Variants in TNKS observed in about 807,000 individuals in gnomAD.
The protein encoded by TNKS is poly [ADP-ribose] polymerase tankyrase-1.
TNKS carries 72 observed loss-of-function variants against 135.8 expected under a neutral mutation model. That is an observed-to-expected ratio of 0.53 (90% CI 0.44 to 0.64). The LOEUF is 0.64. TNKS is among the 30% of genes least tolerant of loss of function. The probability of loss-of-function intolerance (pLI) is 0.00; values close to 1 mark genes in which losing one functional copy is unlikely to be tolerated. For missense variants in TNKS, 1,769 were observed against 1,674.0 expected (o/e 1.06, Z -0.99); for synonymous variants, 849 against 649.3 (o/e 1.31, Z -4.68).
At position 9,556,105 on chromosome 8, in the gene TNKS, T is replaced by G. The variant is rs1344566634; in HGVS notation, c.166T>G (p.Phe56Val). The G allele has an allele frequency of 6.2e-7, 1 of 1,600,978 alleles. No homozygotes were observed. The highest frequency in any genetic ancestry group is 1.1e-5 in the South Asian group (1 of 89,564). ...ASPTASGLAPFASPRHGLALP... is the reference protein window; with the variant it reads ...ASPTASGLAPVASPRHGLALP... ...TCCCACGGCCAGCGGCCTGGCCCCC[T>G]TCGCCTCCCCGCGGCACGGCCTAGC... The change falls in exon 1 of 27, where the codon TTC (phenylalanine) becomes GTC (valine). Residue 56 changes from phenylalanine (F) to valine (V), a missense_variant. Phe to Val is a conservative substitution (Grantham distance 50). Around this residue, in one of 5 missense-constraint regions of TNKS, gnomAD observed 450 missense variants for 304.9 expected, o/e 1.48. Coordinates refer to ENST00000310430, the MANE Select transcript of TNKS (RefSeq NM_003747.3).
intron 3 of TNKS, among the ~76,000 whole-genome samples, chr8:9,673,556 G>T (rs546983038): frequency 6.8e-6 from 1 of 147,648 alleles, no homozygotes; most frequent in Non-Finnish European, 1.5e-5. Flanking sequence ...GAAATTCTCT[G>T]TCTCAGCCTC....
intron 3 of TNKS, among the ~76,000 whole-genome samples, chr8:9,617,630 C>G (rs552477581): frequency 3.9e-5 from 6 of 152,224 alleles, no homozygotes; most frequent in African/African-American, 1.4e-4. Context: ...ATAAGTAATT[C>G]TTTCCAGTGG....
chr8:9,708,236 ATAT>A (rs936435870), intron 8 of TNKS, 132 bp from the exon 9 acceptor site: 3 of 748,146 alleles, frequency 4.0e-6, no homozygotes, highest in Admixed American at 3.5e-5. Context: ...TTTTATCATC[ATAT>A]TATCACATTG....
intron 12 of TNKS, among the ~76,000 whole-genome samples, chr8:9,722,986 C>A (rs59004915): frequency 1.3e-5 from 2 of 151,592 alleles, no homozygotes; most frequent in Non-Finnish European, 2.9e-5. Context: ...TATTTTTCTT[C>A]GATTATTTTG....
chr8:9,700,263 T>C (rs1300116696), intron 5 of TNKS, among the ~76,000 whole-genome samples: 3 of 152,206 alleles, frequency 2.0e-5, no homozygotes, highest in Non-Finnish European at 4.4e-5. Flanking sequence ...TCCTTCTGAA[T>C]AAAGAATTCA....
intron 3 of TNKS, among the ~76,000 whole-genome samples, chr8:9,656,851 G>C (rs1481576040): frequency 1.4e-5 from 2 of 139,846 alleles, no homozygotes; most frequent in Non-Finnish European, 3.1e-5. Flanking sequence ...TCAAGCATCT[G>C]TTTAACAAAG....
rs1380772151 is a variant in TNKS at position 9,615,636 on chromosome 8, C to T, written c.953C>T (p.Ala318Val). The part of the protein sequence containing the change: ...PNIRNTDGKS[A>V]LDLADPSAKA... ...ATTCGGAACACTGATGGGAAATCAG[C>T]CCTGGACCTGGCAGATCCTTCAGCA... is the stretch of plus-strand genomic sequence containing the variant. Residue 318 changes from alanine (A) to valine (V), a missense_variant, in exon 3 of 27, where the codon GCC (alanine) becomes GTC (valine). Ala to Val is a moderately conservative substitution (Grantham distance 64). This residue lies in a region of TNKS where 523 missense variants were observed against 541.0 expected (regional missense o/e 0.97). Coordinates refer to ENST00000310430, the MANE Select transcript of TNKS (RefSeq NM_003747.3). 3 of 1,613,406 alleles carry T rather than the reference C, an allele frequency of 1.9e-6. No homozygotes were observed. Among genetic ancestry groups the T allele is most frequent in the African/African-American group, 2.7e-5 (2 of 74,886 alleles).
At chr8:9,690,732 T>C (rs1244332626) in intron 5 of TNKS, among the ~76,000 whole-genome samples, 5 of 152,230 alleles carry the variant, frequency 3.3e-5, no homozygotes, top group Non-Finnish European at 4.4e-5. Flanking sequence ...TGTTTACTAT[T>C]TGTGGCAACT....
chr8:9,680,024 A>T (rs1234974681), intron 4 of TNKS, 37 bp downstream of exon 4: 1 of 1,529,334 alleles, frequency 6.5e-7, no homozygotes, highest in East Asian at 2.2e-5. Flanking sequence ...TATATAATGC[A>T]TTAAGGAAGA....
At chr8:9,583,974 C>G (rs971450030) in intron 2 of TNKS, among the ~76,000 whole-genome samples, 3 of 151,442 alleles carry the variant, frequency 2.0e-5, no homozygotes, top group Admixed American at 1.3e-4. Flanking sequence ...ACCATCCTGG[C>G]TAACACAGTG....
chr8:9,726,616 G>C, intron 12 of TNKS, 25 bp from the exon 13 acceptor site: 1 of 1,555,922 alleles, frequency 6.4e-7, no homozygotes, highest in South Asian at 1.2e-5. Context: ...ATATATATAT[G>C]AGTTCTTTCC....
chr8:9,720,269 A>G, intron 11 of TNKS, 105 bp from the exon 12 acceptor site: 1 of 1,099,510 alleles, frequency 9.1e-7, no homozygotes, highest in Non-Finnish European at 1.2e-6. Context: ...GACTTTTTAA[A>G]AGCTTTGAAA....
intron 11 of TNKS, among the ~76,000 whole-genome samples, chr8:9,714,014 C>T (rs138841130): frequency 7.7e-4 from 118 of 152,326 alleles, no homozygotes; most frequent in African/African-American, 2.8e-3. Context: ...CCTTCCCCTA[C>T]TCTTGATGAA....
At chr8:9,615,302 T>G in intron 2 of TNKS, 1 of 229,896 alleles carries the variant, frequency 4.3e-6, no homozygotes, top group Admixed American at 5.8e-5. Context: ...TACTGCTGCT[T>G]GAAGGAGGCA....
chr8:9,771,850 G>GGGAGAGAGGAAGGAAGGGAA (rs146829675), intron 26 of TNKS, among the ~76,000 whole-genome samples: 1,921 of 28,046 alleles, frequency 0.068, 359 homozygotes, highest in East Asian at 0.13. Context: ...AGGGGAGGGA[G>GGGAGAGAGGAAGGAAGGGAA]GGAGAGAGAG....
At chr8:9,721,470 G>C (rs1422468648) in intron 12 of TNKS, among the ~76,000 whole-genome samples, 1 of 151,576 alleles carries the variant, frequency 6.6e-6, no homozygotes, top group African/African-American at 2.4e-5. Context: ...AGAATCAAAA[G>C]TTTAGTATAA....
At chr8:9,763,101 AGT>A in intron 21 of TNKS, 44 bp from the exon 22 acceptor site, 1 of 649,112 alleles carries the variant, frequency 1.5e-6, no homozygotes, top group Non-Finnish European at 2.6e-6. Flanking sequence ...ATAGAGCCTG[AGT>A]AGTGTAGACT....
rs779264460 is a variant in TNKS at position 9,720,478 on chromosome 8, C to T, written c.1854C>T (p.Ser618=). ...TGCTGAGTTACGGCTCTGACCCCTC[C>T]ATCATCTCCTTACAAGGCTTCACAG... ...RLLLSYGSDP[S]IISLQGFTAA... The change falls in exon 12 of 27, where the codon TCC becomes TCT. Residue 618 remains serine (S), a synonymous_variant. Transcript: ENST00000310430. The T allele has an allele frequency of 1.2e-6, 2 of 1,614,148 alleles. No homozygotes were observed. The highest frequency in any genetic ancestry group is 1.7e-5 in the Admixed American group (1 of 60,024).
chr8:9,657,646 G>A (rs1210780753), intron 3 of TNKS, among the ~76,000 whole-genome samples: 2 of 84,894 alleles, frequency 2.4e-5, no homozygotes, highest in African/African-American at 4.6e-5. Flanking sequence ...TGGCCGGGTG[G>A]GGGGGCTGAC....
Sources: gnomAD v4.1 joint callset for allele counts (sites outside exome capture counted in the v4.1 genomes callset) on GRCh38, gnomAD v4.1.1 for gene constraint, gnomAD v4.1.1 regional missense constraint, MANE v1.5 for transcripts, NCBI Gene and HGNC (gene_info 2026-07-23, HGNC 2026-07-21) for gene names.